Variants in NUP98 observed in about 807,000 individuals in gnomAD.
NUP98 encodes the protein nuclear pore complex protein Nup98-Nup96.
In NUP98, 26 loss-of-function variants were observed where a neutral mutation model predicts 191.9. The observed-to-expected ratio is 0.14, with a 90% confidence interval of 0.10 to 0.19. The LOEUF (loss-of-function observed/expected upper bound fraction) is 0.19. NUP98 is among the 10% of genes least tolerant of loss of function. The probability of loss-of-function intolerance (pLI) is 1.00; values close to 1 mark genes in which losing one functional copy is unlikely to be tolerated. For missense variants in NUP98, 1,941 were observed against 2,178.8 expected (o/e 0.89, Z 2.17); for synonymous variants, 808 against 778.4 (o/e 1.04, Z -0.63).
In NUP98 at chr11:3,683,218, T is replaced by C. The variant is rs1451593737; in HGVS notation, c.4900A>G (p.Ile1634Val). 1.2e-6 allele frequency: 2 copies of C among 1,614,060 alleles called. No homozygotes were observed. Among genetic ancestry groups the C allele is most frequent in the African/African-American group, 1.3e-5 (1 of 74,916 alleles). Residue 1634 changes from isoleucine to valine, a missense_variant, in exon 30 of 33, where the codon ATC becomes GTC. Transcript: ENST00000324932. ...CACTCACCAGAAGCTAAGTGTCGGA[T>C]GATGAGCTTGTGGCAGCGGTTCCAG... ...EHWNRCHKLI[I>V]RHLASDAIIN...
chr11:3,737,271 A>G (rs139086603), intron 12 of NUP98, among the ~76,000 whole-genome samples: 429 of 152,024 alleles, frequency 2.8e-3, no homozygotes, highest in Admixed American at 4.6e-3. Flanking sequence ...AACTTTCTGA[A>G]AAGTCTCACA....
intron 11 of NUP98, among the ~76,000 whole-genome samples, chr11:3,752,048 C>A (rs2080778839): frequency 6.7e-6 from 1 of 148,564 alleles, no homozygotes. Flanking sequence ...CGGTGGCGTG[C>A]GACTGTAGTC....
intron 12 of NUP98, among the ~76,000 whole-genome samples, chr11:3,738,635 C>T (rs769162378): frequency 5.3e-5 from 8 of 151,778 alleles, no homozygotes; most frequent in Non-Finnish European, 7.4e-5. Flanking sequence ...AAGAATTAGC[C>T]GGGCATGGTG....
chr11:3,762,180 G>C (rs2081196227), intron 9 of NUP98, among the ~76,000 whole-genome samples: 1 of 151,994 alleles, frequency 6.6e-6, no homozygotes, highest in Admixed American at 6.6e-5. Flanking sequence ...CGCGATCTCG[G>C]GTCACTGCAA....
intron 30 of NUP98, 50 bp downstream of exon 30, chr11:3,683,150 G>C (rs994944730): frequency 6.2e-7 from 1 of 1,608,748 alleles, no homozygotes; most frequent in East Asian, 2.2e-5. Flanking sequence ...GAGGTTCAGA[G>C]GTTGGAGGAA....
chr11:3,695,772 T>TCTG (rs1292917687), intron 25 of NUP98, among the ~76,000 whole-genome samples, 166 bp from the exon 26 acceptor site: 1 of 152,198 alleles, frequency 6.6e-6, no homozygotes, highest in Admixed American at 6.5e-5. Flanking sequence ...CTTACCATTT[T>TCTG]CTGCTTGGAT....
Position 3,694,796 on chromosome 11 carries a change from C to T in NUP98, c.4167+653G>A, listed in dbSNP as rs188384538. Among the ~76,000 whole-genome samples, 27 of 151,708 alleles carry T rather than the reference C, an allele frequency of 1.8e-4. No homozygotes were observed. In the East Asian group the frequency reaches 2.1e-3, roughly 12 times the overall value. ...TGATGCAGTGGCTCATGCCTGTAAT[C>T]TCAACACTTTGGGAGACCTATAGGT... On this transcript the variant is annotated intron_variant, in intron 26 of 32. Transcript: ENST00000324932.
chr11:3,775,365 A>G (rs2133920837), intron 5 of NUP98, among the ~76,000 whole-genome samples: 1 of 152,128 alleles, frequency 6.6e-6, no homozygotes, highest in East Asian at 1.9e-4. Context: ...CGCCATCTCT[A>G]CTACAAAAAA....
intron 14 of NUP98, among the ~76,000 whole-genome samples, chr11:3,728,568 T>C (rs559147400): frequency 8.5e-5 from 13 of 152,060 alleles, no homozygotes; most frequent in African/African-American, 3.1e-4. Flanking sequence ...ACCCTGTCTC[T>C]ACTAAAAAAA....
chr11:3,776,962 T>C (rs1045017627), intron 4 of NUP98, among the ~76,000 whole-genome samples: 2 of 152,192 alleles, frequency 1.3e-5, no homozygotes, highest in African/African-American at 4.8e-5. Flanking sequence ...CATTTCTCCC[T>C]TTCTCATTTA....
intron 18 of NUP98, among the ~76,000 whole-genome samples, chr11:3,717,156 G>T (rs190940695): frequency 5.3e-5 from 8 of 152,148 alleles, no homozygotes; most frequent in African/African-American, 1.9e-4. Context: ...CACCACGTCT[G>T]GCGAATTTTT....
chr11:3,708,279 T>C (rs1023749505), intron 20 of NUP98, among the ~76,000 whole-genome samples: 1 of 150,956 alleles, frequency 6.6e-6, no homozygotes, highest in African/African-American at 2.4e-5. Context: ...ATAAGGAGAG[T>C]GAGTGGGAGG....
intron 4 of NUP98, 62 bp downstream of exon 4, chr11:3,778,811 A>T: frequency 6.6e-7 from 1 of 1,510,552 alleles, no homozygotes; most frequent in Admixed American, 2.1e-5. Context: ...CGGAGAAAAG[A>T]CAACACATTC....
intron 27 of NUP98, 71 bp from the exon 28 acceptor site, chr11:3,691,560 C>CTTT: frequency 4.3e-6 from 5 of 1,176,176 alleles, no homozygotes; most frequent in Non-Finnish European, 5.8e-6. Flanking sequence ...TATGTTTCTT[C>CTTT]TTTTTTTTTT....
chr11:3,710,976 A>G (rs1345793454), intron 20 of NUP98, among the ~76,000 whole-genome samples: 1 of 151,840 alleles, frequency 6.6e-6, no homozygotes, highest in Non-Finnish European at 1.5e-5. Flanking sequence ...ATGGTGACTC[A>G]CGCCTGTAGT....
chr11:3,706,416 GT>G (rs762102559), intron 21 of NUP98, 28 bp downstream of exon 21: 2 of 1,608,430 alleles, frequency 1.2e-6, no homozygotes, highest in Non-Finnish European at 1.7e-6. Context: ...TTGGCTTTCT[GT>G]TACAAAAAAG....
chr11:3,713,626 G>C (rs1349564530), intron 19 of NUP98, among the ~76,000 whole-genome samples, 192 bp downstream of exon 19: 1 of 152,056 alleles, frequency 6.6e-6, no homozygotes, highest in Non-Finnish European at 1.5e-5. Context: ...GGCGGAGGCA[G>C]AAGGATTGCT....
At chr11:3,744,444 G>A in intron 12 of NUP98, 65 bp downstream of exon 12, 1 of 1,516,594 alleles carries the variant, frequency 6.6e-7, no homozygotes, top group South Asian at 1.3e-5. Flanking sequence ...GTGTAGGATG[G>A]AAAATCAGGT....
intron 25 of NUP98, 184 bp downstream of exon 25, chr11:3,698,898 G>T: frequency 4.5e-6 from 3 of 671,960 alleles, no homozygotes; most frequent in Non-Finnish European, 7.5e-6. Context: ...TTGTTTACTT[G>T]ATTAAAAGTT....
Sources: gnomAD v4.1 joint callset for allele counts (sites outside exome capture counted in the v4.1 genomes callset) on GRCh38, gnomAD v4.1.1 for gene constraint, MANE v1.5 for transcripts, NCBI Gene and HGNC (gene_info 2026-07-23, HGNC 2026-07-21) for gene names.